Variants in ME3 observed in about 807,000 individuals in gnomAD.
ME3 encodes the protein NADP-dependent malic enzyme, mitochondrial.
In ME3, 48 loss-of-function variants were observed where a neutral mutation model predicts 68.9. The ratio of observed to expected loss-of-function variants is 0.70; its 90% CI spans 0.55 to 0.89. The LOEUF is 0.89. Ranked by LOEUF, ME3 falls within the 40% of genes least tolerant of loss-of-function variation. The probability of loss-of-function intolerance (pLI) is 0.00; values close to 1 mark genes in which losing one functional copy is unlikely to be tolerated. For synonymous variants in ME3, 320 were observed against 318.8 expected (o/e 1.00, Z -0.04); for missense variants, 675 against 797.4 (o/e 0.85, Z 1.85).
At chr11:86,478,151 C>T (rs574215974) in intron 7 of ME3, among the ~76,000 whole-genome samples, 1 of 152,058 alleles carries the variant, frequency 6.6e-6, no homozygotes, top group Non-Finnish European at 1.5e-5. Flanking sequence ...CCATTTACTG[C>T]ACGAGTAAAG....
At chr11:86,508,962 T>G in intron 4 of ME3, 95 bp from the exon 5 acceptor site, 1 of 1,021,420 alleles carries the variant, frequency 9.8e-7, no homozygotes, top group Non-Finnish European at 1.5e-6. Context: ...TTAATTAAAT[T>G]TGCCCATAGA....
intron 4 of ME3, among the ~76,000 whole-genome samples, chr11:86,533,319 C>T (rs1955399947): frequency 6.6e-6 from 1 of 151,928 alleles, no homozygotes; most frequent in African/African-American, 2.4e-5. Flanking sequence ...GATATTACAG[C>T]TGATACTACA....
intron 2 of ME3, among the ~76,000 whole-genome samples, chr11:86,639,045 A>G (rs1330660690): frequency 1.3e-5 from 2 of 152,192 alleles, no homozygotes; most frequent in Non-Finnish European, 2.9e-5. Context: ...AGAAGTTTGC[A>G]GGTAACACAG....
At chr11:86,641,922 C>G (rs1944696000) in intron 2 of ME3, among the ~76,000 whole-genome samples, 1 of 152,100 alleles carries the variant, frequency 6.6e-6, no homozygotes, top group Admixed American at 6.5e-5. Context: ...GGACAATTGG[C>G]TGATAGTGAG....
intron 5 of ME3, among the ~76,000 whole-genome samples, chr11:86,499,292 C>T (rs898956999): frequency 1.3e-5 from 2 of 152,104 alleles, no homozygotes; most frequent in African/African-American, 4.8e-5. Flanking sequence ...TGTGAAAGAC[C>T]TTGAATGTCT....
chr11:86,624,781 C>G (rs78517313), intron 2 of ME3, among the ~76,000 whole-genome samples: 1 of 152,104 alleles, frequency 6.6e-6, no homozygotes, highest in African/African-American at 2.4e-5. Context: ...CATCAGATAG[C>G]GGGAGAGAAA....
downstream of ME3, among the ~76,000 whole-genome samples, chr11:86,439,424 A>G (rs1015089119): frequency 1.3e-5 from 2 of 152,212 alleles, no homozygotes; most frequent in Non-Finnish European, 2.9e-5. Context: ...TTTTCTGTTT[A>G]TTGATTTCTA....
exon 7 of ME3, chr11:86,487,400 TGGTGTTTCAGGCCGATGTACA>T (rs1352216653): frequency 1.2e-6 from 2 of 1,614,136 alleles, no homozygotes; most frequent in South Asian, 2.2e-5. Context: ...GTGCACGCGC[TGGTGTTTCAGGCCGATGTACA>T]GAGGGTCTCT....
intron 11 of ME3, 131 bp downstream of exon 11, chr11:86,448,019 A>C: frequency 3.1e-6 from 2 of 640,114 alleles, no homozygotes; most frequent in Non-Finnish European, 2.8e-6. Context: ...TGTGGCATTG[A>C]ATTGCACATG....
intron 4 of ME3, among the ~76,000 whole-genome samples, chr11:86,523,790 A>G (rs1056843284): frequency 5.3e-5 from 8 of 152,134 alleles, no homozygotes; most frequent in Non-Finnish European, 1.0e-4. Context: ...AACATTTTAT[A>G]ATCAGGAGGG....
At chr11:86,486,194 T>A (rs1951677411) in intron 7 of ME3, among the ~76,000 whole-genome samples, 1 of 152,190 alleles carries the variant, frequency 6.6e-6, no homozygotes, top group African/African-American at 2.4e-5. Context: ...ACTGGATCCT[T>A]TTTCCTGCTT....
At chr11:86,449,958 T>C in exon 10 of ME3, 1 of 1,614,092 alleles carries the variant, frequency 6.2e-7, no homozygotes, top group Non-Finnish European at 8.5e-7. Context: ...GTACACCTTC[T>C]TTCTCTAGGG....
At chr11:86,483,740 G>C (rs1172796325) in intron 7 of ME3, among the ~76,000 whole-genome samples, 2 of 152,182 alleles carry the variant, frequency 1.3e-5, no homozygotes, top group African/African-American at 4.8e-5. Flanking sequence ...TTCCTTTCCT[G>C]GCCTGCCTAA....
intron 4 of ME3, among the ~76,000 whole-genome samples, chr11:86,551,193 A>T (rs1369168700): frequency 1.3e-5 from 2 of 152,108 alleles, no homozygotes; most frequent in African/African-American, 4.8e-5. Flanking sequence ...CTTATGAGGA[A>T]GTTTACAATT....
At chr11:86,554,737 G>A (rs1013228537) in intron 4 of ME3, among the ~76,000 whole-genome samples, 1 of 152,166 alleles carries the variant, frequency 6.6e-6, no homozygotes, top group African/African-American at 2.4e-5. Context: ...GGGGCTGATT[G>A]CAAAGAACCA....
At chr11:86,493,847 T>G (rs1305062195) in intron 6 of ME3, among the ~76,000 whole-genome samples, 1 of 152,160 alleles carries the variant, frequency 6.6e-6, no homozygotes, top group African/African-American at 2.4e-5. Context: ...TCCTGTTGCC[T>G]CAGGAGTTTT....
At chr11:86,563,771 T>G (rs1957350410) in intron 2 of ME3, among the ~76,000 whole-genome samples, 1 of 152,200 alleles carries the variant, frequency 6.6e-6, no homozygotes, top group Non-Finnish European at 1.5e-5. Context: ...GTGTGTGGCT[T>G]TATTTCTGAG....
rs373198434 is a variant in ME3 at position 86,441,278 on chromosome 11, C to G, written c.*1G>C. 17 of 1,595,080 alleles carry G rather than the reference C, an allele frequency of 1.1e-5. No individual in the cohort carries two copies. In the East Asian group the frequency reaches 1.3e-4, roughly 13 times the overall value. On this transcript the variant is annotated 3_prime_UTR_variant, in exon 15 of 15. Coordinates refer to ENST00000543262, the Ensembl canonical transcript of ME3. ...GCCCCATACTAGCCTCTGAGACTGC[C>G]TCAGACCGTCTGAACATTCATGGCT...
At chr11:86,618,387 A>C (rs1443912180) in intron 2 of ME3, among the ~76,000 whole-genome samples, 1 of 150,990 alleles carries the variant, frequency 6.6e-6, no homozygotes, top group Non-Finnish European at 1.5e-5. Context: ...TACTCCAAAA[A>C]TTGTGGTAAT....
Sources: gnomAD v4.1 joint callset for allele counts (sites outside exome capture counted in the v4.1 genomes callset) on GRCh38, gnomAD v4.1.1 for gene constraint, MANE v1.5 for transcripts, NCBI Gene and HGNC (gene_info 2026-07-23, HGNC 2026-07-21) for gene names.